ADCK1: variants seen among roughly 807,000 people sequenced by gnomAD.
ADCK1 encodes aarF domain containing kinase 1.
A neutral mutation model predicts 52.3 loss-of-function variants in ADCK1; 41 were observed. The observed-to-expected ratio is 0.78, with a 90% confidence interval of 0.61 to 1.02. The LOEUF is 1.02. Among genes scored for constraint, ADCK1 ranks in the 50% least tolerant of loss-of-function variants. The pLI is 0.00. For synonymous variants in ADCK1, 250 were observed against 274.6 expected (o/e 0.91, Z 0.89); for missense variants, 658 against 679.5 (o/e 0.97, Z 0.35).
At chr14:77,928,402 G>A (rs563344382) in intron 9 of ADCK1, among the ~76,000 whole-genome samples, 3 of 152,042 alleles carry the variant, frequency 2.0e-5, no homozygotes, top group African/African-American at 4.8e-5. Flanking sequence ...ATGAGGTCAC[G>A]TGGCATGTAC....
Position 77,887,204 on chromosome 14 carries a change from C to T in ADCK1, c.537C>T (p.His179=), listed in dbSNP as rs2083176571. 1 of 1,609,754 alleles carries T rather than the reference C, an allele frequency of 6.2e-7. No individual in the cohort carries two copies. Among genetic ancestry groups the T allele is most frequent in the Non-Finnish European group, 8.5e-7 (1 of 1,177,890 alleles). ...DGRTVAVKVQ[H]PKVRAQSSKD... ...GGACGGTGGCCGTGAAGGTCCAGCA[C>T]CCAAAGGTGCGGGCTCAGAGCTCGA... Residue 179 remains histidine, a synonymous_variant, in exon 5 of 11, where the codon CAC becomes CAT. Coordinates refer to ENST00000238561, the MANE Select transcript of ADCK1 (RefSeq NM_020421.4).
At chr14:77,840,490 T>C (rs1439406778) in intron 3 of ADCK1, among the ~76,000 whole-genome samples, 1 of 152,102 alleles carries the variant, frequency 6.6e-6, no homozygotes, top group Non-Finnish European at 1.5e-5. Context: ...ATAAAAGCCA[T>C]GGTGATTACA....
chr14:77,885,031 T>A (rs965883960), intron 4 of ADCK1, among the ~76,000 whole-genome samples: 15 of 152,342 alleles, frequency 9.8e-5, no homozygotes, highest in African/African-American at 3.6e-4. Flanking sequence ...TCCAGTGGAA[T>A]AGTGGATTCA....
At chr14:77,864,730 T>G (rs997098823) in intron 4 of ADCK1, among the ~76,000 whole-genome samples, 1 of 151,580 alleles carries the variant, frequency 6.6e-6, no homozygotes. Context: ...GAGAGACTGA[T>G]TGATGTTAAG....
chr14:77,879,354 C>T (rs942468011), intron 4 of ADCK1, among the ~76,000 whole-genome samples: 1 of 152,174 alleles, frequency 6.6e-6, no homozygotes, highest in East Asian at 1.9e-4. Context: ...CGATTGCTCT[C>T]AAGGAAGGTG....
At chr14:77,814,177 C>T (rs1281889328) in intron 1 of ADCK1, among the ~76,000 whole-genome samples, 1 of 151,954 alleles carries the variant, frequency 6.6e-6, no homozygotes, top group Non-Finnish European at 1.5e-5. Flanking sequence ...CTCCCAGGCT[C>T]AAGTGATCCT....
In ADCK1 at chr14:77,898,953, A is replaced by G. The variant is rs2083469998; in HGVS notation, c.583-147A>G. 7 of 1,059,904 alleles carry G rather than the reference A, an allele frequency of 6.6e-6. No individual in the cohort carries two copies. The Admixed American group carries it at 6.9e-5, about 10-fold the overall frequency. 65.7% of individuals were successfully genotyped at this position (1,059,904 alleles called of 1,614,324 possible). On this transcript the variant is annotated intron_variant, in intron 5 of 10. Coordinates refer to ENST00000238561, the MANE Select transcript of ADCK1 (RefSeq NM_020421.4). ...CAAGCTTATGGGAGAGCAGGAGCCT[A>G]CTATGTTTCCCTCCTGGAATTCAGA...
chr14:77,897,611 C>T (rs1411910413), intron 5 of ADCK1, among the ~76,000 whole-genome samples: 1 of 152,190 alleles, frequency 6.6e-6, no homozygotes, highest in Non-Finnish European at 1.5e-5. Context: ...AAAATCAAAG[C>T]TTTTCATCCA....
intron 9 of ADCK1, among the ~76,000 whole-genome samples, chr14:77,930,194 A>G (rs1243982005): frequency 6.6e-6 from 1 of 152,058 alleles, no homozygotes; most frequent in Non-Finnish European, 1.5e-5. Context: ...GGTGCCTCTT[A>G]AGGTCTGGCT....
At chr14:77,852,666 T>A (rs1433167408) in intron 3 of ADCK1, among the ~76,000 whole-genome samples, 7 of 5,998 alleles carry the variant, frequency 1.2e-3, no homozygotes, top group Admixed American at 3.1e-3. Context: ...AATAAATATA[T>A]ATATATATAT....
At chr14:77,872,715 C>T (rs2082810191) in intron 4 of ADCK1, among the ~76,000 whole-genome samples, 2 of 147,492 alleles carry the variant, frequency 1.4e-5, no homozygotes, top group Non-Finnish European at 3.0e-5. Flanking sequence ...ACTCTTGTTG[C>T]TTAGGCTAGA....
chr14:77,875,706 G>A (rs900148621), intron 4 of ADCK1, among the ~76,000 whole-genome samples: 3 of 152,176 alleles, frequency 2.0e-5, no homozygotes, highest in Non-Finnish European at 4.4e-5. Flanking sequence ...AGCGGCAGAG[G>A]AAATTGGGCT....
intron 7 of ADCK1, among the ~76,000 whole-genome samples, chr14:77,921,892 G>T (rs1400476281): frequency 6.6e-6 from 1 of 152,110 alleles, no homozygotes; most frequent in Non-Finnish European, 1.5e-5. Flanking sequence ...CAATATTTCA[G>T]AAAGCTTAAG....
At chr14:77,802,971 A>G (rs2081143879) in intron 1 of ADCK1, among the ~76,000 whole-genome samples, 1 of 152,024 alleles carries the variant, frequency 6.6e-6, no homozygotes, top group East Asian at 1.9e-4. Flanking sequence ...ATAAATAAAT[A>G]CAATTTGGTT....
At position 77,907,800 on chromosome 14, in the gene ADCK1, C is replaced by T; in HGVS notation, c.742-3C>T. On this transcript the variant is annotated splice_polypyrimidine_tract_variant and splice_region_variant and intron_variant, in intron 6 of 10. Transcript: ENST00000238561. ...CCATCTGACCTGTCCCTTCCTATCC[C>T]AGGTCCCCCGAATCCACTGGGACCT... 6.2e-7 allele frequency: 1 copy of T among 1,611,990 alleles called. No homozygotes were observed. Among genetic ancestry groups the T allele is most frequent in the Non-Finnish European group, 8.5e-7 (1 of 1,178,534 alleles).
At chr14:77,886,932 A>G (rs867578100) in intron 4 of ADCK1, among the ~76,000 whole-genome samples, 159 bp from the exon 5 acceptor site, 3,912 of 145,824 alleles carry the variant, frequency 0.027, 173 homozygotes, top group African/African-American at 0.095. Context: ...ACACACACAC[A>G]CACACACACG....
chr14:77,922,875 T>C (rs1018165661), intron 7 of ADCK1, among the ~76,000 whole-genome samples: 7 of 152,158 alleles, frequency 4.6e-5, no homozygotes, highest in Non-Finnish European at 1.0e-4. Flanking sequence ...TTATAATTGA[T>C]TGGGATTCAG....
intron 6 of ADCK1, among the ~76,000 whole-genome samples, chr14:77,905,271 T>C (rs2083634431): frequency 6.7e-6 from 1 of 149,418 alleles, no homozygotes; most frequent in Non-Finnish European, 1.5e-5. Flanking sequence ...GCCTGTGGGA[T>C]TTCTGTTTCC....
intron 5 of ADCK1, among the ~76,000 whole-genome samples, chr14:77,893,737 CTTT>C (rs1555356623): frequency 4.0e-5 from 2 of 50,348 alleles, no homozygotes; most frequent in Non-Finnish European, 8.1e-5. Context: ...TCCTTCCTTC[CTTT>C]TTTTTTTTTT....
Sources: allele counts gnomAD v4.1 joint callset (sites outside exome capture counted in the v4.1 genomes callset), GRCh38; gene constraint gnomAD v4.1.1; transcripts MANE v1.5; gene names NCBI Gene and HGNC (gene_info 2026-07-23, HGNC 2026-07-21).